Variants in VPS37A observed in about 807,000 individuals in gnomAD.
The protein encoded by VPS37A is vacuolar protein sorting-associated protein 37A.
VPS37A carries 30 observed loss-of-function variants against 49.8 expected under a neutral mutation model. The ratio of observed to expected loss-of-function variants is 0.60; its 90% CI spans 0.45 to 0.82. The LOEUF (loss-of-function observed/expected upper bound fraction) is 0.82, where lower values mean the gene tolerates loss of function less well. Ranked by LOEUF, VPS37A falls within the 40% of genes least tolerant of loss-of-function variation. The pLI is 0.00. For synonymous variants in VPS37A, 195 were observed against 160.6 expected (o/e 1.21, Z -1.62); for missense variants, 593 against 464.4 (o/e 1.28, Z -2.55).
Position 17,280,303 on chromosome 8 carries a change from T to C in VPS37A, c.900+6T>C. 1 of 1,609,736 alleles carries C rather than the reference T, an allele frequency of 6.2e-7. No individual in the cohort carries two copies. Among genetic ancestry groups the C allele is most frequent in the Non-Finnish European group, 8.5e-7 (1 of 1,178,504 alleles). ...GACAAACTGTTTTAGATAAGGTGAGTTAGTGATAATTTTGAAGAAATTTAC... is the reference window on the plus strand; with the variant it reads ...GACAAACTGTTTTAGATAAGGTGAGCTAGTGATAATTTTGAAGAAATTTAC... On this transcript the variant is annotated splice_donor_region_variant and intron_variant, in intron 8 of 11. Coordinates refer to ENST00000324849, the MANE Select transcript of VPS37A (RefSeq NM_152415.3).
the VPS37A span, among the ~76,000 whole-genome samples, chr8:17,321,799 AG>A: frequency 6.6e-6 from 1 of 152,344 alleles, no homozygotes; most frequent in Non-Finnish European, 1.5e-5. Flanking sequence ...GCCCAGGTCT[AG>A]TGATATTTGT....
chr8:17,300,272 C>CTTTT (rs751753015), downstream of VPS37A: 3 of 1,548,808 alleles, frequency 1.9e-6, no homozygotes, highest in African/African-American at 4.1e-5. Flanking sequence ...AATAACTTAT[C>CTTTT]TTTTTCTATA....
Position 17,284,454 on chromosome 8 carries a change from G to C in VPS37A, c.970-19G>C, listed in dbSNP as rs1563282393. 13 of 1,553,462 alleles carry C rather than the reference G, an allele frequency of 8.4e-6. No homozygotes were observed. The highest frequency in any genetic ancestry group is 1.1e-5 in the Non-Finnish European group (13 of 1,160,422). ...TGTGAGTATCATAAATTAAAGTAGT[G>C]CCTGATTTTCTTTTTCAGAGCTGTA... On this transcript the variant is annotated intron_variant, in intron 9 of 11. Coordinates refer to ENST00000324849, the MANE Select transcript of VPS37A (RefSeq NM_152415.3).
chr8:17,250,708 A>G (rs183134377), intron 1 of VPS37A, among the ~76,000 whole-genome samples: 213 of 152,142 alleles, frequency 1.4e-3, no homozygotes, highest in Middle Eastern at 0.01. Context: ...CCTTTCTCTA[A>G]TGATTGTGAA....
At chr8:17,291,000 G>A (rs7011061) in intron 11 of VPS37A, among the ~76,000 whole-genome samples, 34,679 of 151,914 alleles carry the variant, frequency 0.23, 5,062 homozygotes, top group East Asian at 0.6. Flanking sequence ...CTGTGGGATC[G>A]GTGGTGATCT....
At chr8:17,322,798 C>A in the VPS37A span, among the ~76,000 whole-genome samples, 1 of 151,858 alleles carries the variant, frequency 6.6e-6, no homozygotes, top group Admixed American at 6.6e-5. Flanking sequence ...GCACTTCAGC[C>A]TGGACAACAC....
At chr8:17,323,703 C>T in the VPS37A span, among the ~76,000 whole-genome samples, 1 of 152,138 alleles carries the variant, frequency 6.6e-6, no homozygotes, top group African/African-American at 2.4e-5. Context: ...CCAGGACCAA[C>T]ACTCCTATGA....
chr8:17,272,166 G>A (rs148618641), intron 4 of VPS37A: 47 of 443,874 alleles, frequency 1.1e-4, no homozygotes, highest in African/African-American at 7.0e-4. Flanking sequence ...AGGCCCACCA[G>A]GCTCCTCCTA....
chr8:17,292,276 A>G (rs1221964991), intron 11 of VPS37A, among the ~76,000 whole-genome samples: 1 of 152,114 alleles, frequency 6.6e-6, no homozygotes, highest in African/African-American at 2.4e-5. Context: ...TTTATCAGAG[A>G]CCAGGATTGC....
At chr8:17,312,153 A>G in the VPS37A span, among the ~76,000 whole-genome samples, 3 of 152,256 alleles carry the variant, frequency 2.0e-5, no homozygotes, top group South Asian at 4.1e-4. Context: ...AAGAATATCT[A>G]TTTGCTATTG....
At chr8:17,332,151 TCTC>T in the VPS37A span, among the ~76,000 whole-genome samples, 1 of 152,082 alleles carries the variant, frequency 6.6e-6, no homozygotes, top group Non-Finnish European at 1.5e-5. Flanking sequence ...CGCTGACCAT[TCTC>T]CTCCTCCACC....
At chr8:17,326,626 G>C in the VPS37A span, 1 of 152,342 alleles carries the variant, frequency 6.6e-6, no homozygotes, top group South Asian at 2.1e-4. Context: ...TGTAACTGGA[G>C]AGAGGCACTC....
At chr8:17,300,621 C>G (rs191383528), downstream of VPS37A, among the ~76,000 whole-genome samples, 44 of 152,332 alleles carry the variant, frequency 2.9e-4, no homozygotes, top group African/African-American at 9.1e-4. Context: ...ATACAATTCA[C>G]TTACCGTGAA....
chr8:17,325,512 G>C, the VPS37A span, among the ~76,000 whole-genome samples: 1 of 152,172 alleles, frequency 6.6e-6, no homozygotes, highest in East Asian at 1.9e-4. Flanking sequence ...AAAGATTCCA[G>C]TCTTTTAGAA....
the VPS37A span, chr8:17,313,378 T>A: frequency 3.2e-5 from 52 of 1,611,850 alleles, no homozygotes; most frequent in Non-Finnish European, 4.2e-5. Context: ...AAATCACTCA[T>A]GGAGGGAGAT....
intron 1 of VPS37A, among the ~76,000 whole-genome samples, chr8:17,249,365 T>G (rs1457860668): frequency 6.6e-6 from 1 of 152,232 alleles, no homozygotes; most frequent in Non-Finnish European, 1.5e-5. Context: ...ATGTATTATT[T>G]TTTGAACCAG....
chr8:17,325,378 G>A, the VPS37A span, among the ~76,000 whole-genome samples: 29 of 152,272 alleles, frequency 1.9e-4, no homozygotes, highest in African/African-American at 5.8e-4. Context: ...AAACCTTTGC[G>A]TGGAAGAACA....
chr8:17,276,341 T>C, intron 5 of VPS37A, 56 bp from the exon 6 acceptor site: 10 of 1,388,440 alleles, frequency 7.2e-6, no homozygotes, highest in Non-Finnish European at 9.1e-6. Flanking sequence ...TATTAGTAAT[T>C]GAGAGCAGTC....
intron 1 of VPS37A, among the ~76,000 whole-genome samples, chr8:17,255,011 A>C (rs778284140): frequency 6.6e-6 from 1 of 151,860 alleles, no homozygotes; most frequent in Non-Finnish European, 1.5e-5. Flanking sequence ...TCTTGAATTG[A>C]TCTTTTTAGT....
Sources: allele counts gnomAD v4.1 joint callset (sites outside exome capture counted in the v4.1 genomes callset), GRCh38; gene constraint gnomAD v4.1.1; transcripts MANE v1.5; gene names NCBI Gene and HGNC (gene_info 2026-07-23, HGNC 2026-07-21).